Variants in CCNH observed in about 807,000 individuals in gnomAD.
CCNH encodes the protein cyclin-H.
A neutral mutation model predicts 41.9 loss-of-function variants in CCNH; 31 were observed. The ratio of observed to expected loss-of-function variants is 0.74; its 90% CI spans 0.56 to 1.00. The LOEUF (loss-of-function observed/expected upper bound fraction) is 1.00. Ranked by LOEUF, CCNH falls within the 50% of genes least tolerant of loss-of-function variation. The pLI, the probability that CCNH is intolerant of heterozygous loss-of-function variation, is 0.00. For missense variants in CCNH, 362 were observed against 388.4 expected (o/e 0.93, Z 0.57); for synonymous variants, 138 against 136.1 (o/e 1.01, Z -0.10).
chr5:87,372,782 T>A (rs1488915832), downstream of CCNH, among the ~76,000 whole-genome samples: 2 of 152,160 alleles, frequency 1.3e-5, no homozygotes, highest in Non-Finnish European at 2.9e-5. Context: ...GTTAGGCAAA[T>A]TTTGACATTC....
chr5:87,316,286 G>C (rs1756330436), downstream of CCNH, among the ~76,000 whole-genome samples: 3 of 152,150 alleles, frequency 2.0e-5, no homozygotes, highest in Non-Finnish European at 4.4e-5. Context: ...GGTTACTATA[G>C]TTATCTTATT....
intron 8 of CCNH, chr5:87,394,797 G>A: frequency 3.0e-6 from 4 of 1,342,072 alleles, no homozygotes; most frequent in Non-Finnish European, 3.8e-6. Flanking sequence ...AAGCAAAAAT[G>A]TAGTATGTAT....
At chr5:87,330,981 G>A (rs772653424) in intron 9 of CCNH, 103 of 1,431,606 alleles carry the variant, frequency 7.2e-5, no homozygotes, top group Non-Finnish European at 9.0e-5. Context: ...GTATAAGATC[G>A]AGGTAGTAAA....
intron 9 of CCNH, chr5:87,337,925 C>T (rs1580297722): frequency 2.0e-6 from 3 of 1,517,858 alleles, no homozygotes. Context: ...ATTCTAATCT[C>T]TGTATTTAAA....
the CCNH span, among the ~76,000 whole-genome samples, chr5:87,312,749 CTTCA>C: frequency 2.6e-5 from 4 of 152,188 alleles, no homozygotes; most frequent in Non-Finnish European, 5.9e-5. Flanking sequence ...GTCCTCTCAG[CTTCA>C]TTCTTTCTTC....
At chr5:87,387,980 C>T (rs1044542382), downstream of CCNH, among the ~76,000 whole-genome samples, 1 of 152,146 alleles carries the variant, frequency 6.6e-6, no homozygotes, top group Non-Finnish European at 1.5e-5. Flanking sequence ...CATATTTCTT[C>T]ACCACCTGTA....
At chr5:87,404,706 C>G (rs1763655772) in intron 5 of CCNH, 138 bp downstream of exon 5, 2 of 664,176 alleles carry the variant, frequency 3.0e-6, no homozygotes, top group African/African-American at 3.7e-5. Context: ...TAAAGATTTC[C>G]TCAAAAGGCA....
At chr5:87,399,134 C>T (rs530372957) in intron 7 of CCNH, among the ~76,000 whole-genome samples, 1 of 152,228 alleles carries the variant, frequency 6.6e-6, no homozygotes, top group African/African-American at 2.4e-5. Context: ...GACCCTGACC[C>T]CTGAAATCCC....
At chr5:87,315,131 A>G (rs560860349), downstream of CCNH, among the ~76,000 whole-genome samples, 24 of 152,364 alleles carry the variant, frequency 1.6e-4, no homozygotes, top group South Asian at 5.0e-3. Context: ...GAATTACAAC[A>G]CAGCTTCTAT....
chr5:87,372,297 GT>G, downstream of CCNH: 1 of 1,050,724 alleles, frequency 9.5e-7, no homozygotes, highest in Non-Finnish European at 1.4e-6. Flanking sequence ...ATCATATGGG[GT>G]TAAGCCATGC....
intron 4 of CCNH, among the ~76,000 whole-genome samples, chr5:87,406,646 A>T (rs953905847): frequency 3.3e-5 from 5 of 152,204 alleles, no homozygotes; most frequent in Admixed American, 3.3e-4. Flanking sequence ...TCAAAAAAAA[A>T]AAAAGTGTAA....
downstream of CCNH, chr5:87,392,952 A>G (rs1250418667): frequency 1.3e-5 from 2 of 152,216 alleles, no homozygotes; most frequent in Admixed American, 6.5e-5. Flanking sequence ...AATTCTGTCT[A>G]GAGCCTAGCA....
At chr5:87,322,650 T>C (rs919678662) in intron 9 of CCNH, among the ~76,000 whole-genome samples, 1 of 152,204 alleles carries the variant, frequency 6.6e-6, no homozygotes, top group African/African-American at 2.4e-5. Context: ...AGCACCATGC[T>C]TCCTCTATAG....
chr5:87,362,738 TTG>T, intron 9 of CCNH: 1 of 1,519,298 alleles, frequency 6.6e-7, no homozygotes, highest in Non-Finnish European at 9.1e-7. Flanking sequence ...TCCGAACTTA[TTG>T]TGATATATAT....
At chr5:87,343,075 CTTTAATTTCCTAATA>C (rs1758596184) in intron 9 of CCNH, among the ~76,000 whole-genome samples, 1 of 151,958 alleles carries the variant, frequency 6.6e-6, no homozygotes, top group Non-Finnish European at 1.5e-5. Flanking sequence ...TGTTTGTTCC[CTTTAATTTCCTAATA>C]TAGGGACTGT....
At chr5:87,400,915 CTCTCAACACCGGCACTAATGACAGGGTT>C (rs1172622426) in intron 6 of CCNH, among the ~76,000 whole-genome samples, 6 of 152,348 alleles carry the variant, frequency 3.9e-5, no homozygotes, top group Middle Eastern at 6.8e-3. Context: ...TTCTACTCAA[CTCTCAACACCGGCACTAATGACAGGGTT>C]TCTCAACACC....
chr5:87,380,926 T>C (rs978509199), upstream of CCNH, among the ~76,000 whole-genome samples: 2 of 152,178 alleles, frequency 1.3e-5, no homozygotes, highest in Admixed American at 1.3e-4. Context: ...TGATTGGCAG[T>C]GAGAGAGAAG....
chr5:87,363,319 A>G (rs763661494), intron 9 of CCNH: 1 of 1,554,568 alleles, frequency 6.4e-7, no homozygotes, highest in Non-Finnish European at 8.9e-7. Flanking sequence ...TTGTTTGGCT[A>G]AGAGAAAACA....
In CCNH at chr5:87,399,401, C is replaced by T. The variant is rs201354427; in HGVS notation, c.865G>A (p.Val289Ile). ...ACTGTCACATTAACTTACGTGATTA[C>T]GTTAAGTGCAAGCTCAGCAGAATGA... is the stretch of plus-strand genomic sequence containing the variant. ...RCHSAELALN[V>I]ITKKRKGYED... The change falls in exon 7 of 9, where the codon GTA becomes ATA. Residue 289 changes from valine (V) to isoleucine (I), a missense_variant. Physicochemically the swap from Val to Ile is conservative, Grantham distance 29 (BLOSUM62 3). Transcript: ENST00000256897. 5.0e-6 allele frequency: 8 copies of T among 1,606,602 alleles called. No homozygotes were observed. The highest frequency in any genetic ancestry group is 2.7e-5 in the African/African-American group (2 of 74,906).
Sources: allele counts gnomAD v4.1 joint callset (sites outside exome capture counted in the v4.1 genomes callset), GRCh38; gene constraint gnomAD v4.1.1; transcripts MANE v1.5; gene names NCBI Gene and HGNC (gene_info 2026-07-23, HGNC 2026-07-21).